Variants in KCNB2 observed in about 807,000 individuals in gnomAD.
KCNB2 encodes potassium voltage-gated channel subfamily B member 2.
Under a neutral mutation model 61.5 loss-of-function variants are expected in KCNB2, and 15 were observed. The observed-to-expected ratio is 0.24, with a 90% CI of 0.16 to 0.38. The LOEUF is 0.38. Ranked by LOEUF, KCNB2 falls within the 10% of genes least tolerant of loss-of-function variation. The pLI, the probability that KCNB2 is intolerant of heterozygous loss-of-function variation, is 1.00. For synonymous variants in KCNB2, 457 were observed against 446.0 expected (o/e 1.02, Z -0.31); for missense variants, 828 against 1,125.2 (o/e 0.74, Z 3.78).
rs1228035161 is a variant in KCNB2 at position 72,561,717 on chromosome 8, ATATATATATATC to A, written c.-93-5919_-93-5908del. Among the ~76,000 whole-genome samples the A allele has an allele frequency of 2.0e-3, 48 of 23,990 alleles. 3 individuals are homozygous for A. The highest frequency in any genetic ancestry group is 0.018 in the African/African-American group (46 of 2,590). The allele number at this position is 23,990 out of a possible 152,430, so 15.7% of individuals were successfully genotyped here. A position where few individuals can be genotyped will look rare whatever the true frequency, so the allele number is the denominator to read the frequency against. ...TATATATATATATATATATATATATATATATATATATCTATATCTATATATATATGTATATAT... is the reference window on the plus strand; with the variant it reads ...TATATATATATATATATATATATATATATATCTATATATATATGTATATAT... On this transcript the variant is annotated intron_variant, in intron 1 of 2. Coordinates refer to ENST00000523207, the MANE Select transcript of KCNB2 (RefSeq NM_004770.3).
intron 2 of KCNB2, among the ~76,000 whole-genome samples, chr8:72,603,227 G>A (rs530550365): frequency 2.0e-5 from 3 of 152,204 alleles, no homozygotes; most frequent in African/African-American, 7.2e-5. Context: ...AATAGCCTTA[G>A]CCTGGCACAC....
At chr8:72,886,963 A>G (rs138038941) in intron 2 of KCNB2, among the ~76,000 whole-genome samples, 3 of 152,354 alleles carry the variant, frequency 2.0e-5, no homozygotes, top group African/African-American at 7.2e-5. Context: ...GACACAGGCC[A>G]GGAGAATTTG....
Position 72,937,851 on chromosome 8 carries a change from T to A in KCNB2, c.2496T>A (p.Asn832Lys). 6.2e-7 allele frequency: 1 copy of A among 1,614,036 alleles called. No individual in the cohort carries two copies. The highest frequency in any genetic ancestry group is 8.5e-7 in the Non-Finnish European group (1 of 1,180,006). Residue 832 changes from asparagine to lysine, a missense_variant, in exon 3 of 3, where the codon AAT becomes AAA. By Grantham distance (94) the Asn-to-Lys change is moderately conservative (BLOSUM62 0). Transcript: ENST00000523207. Reference protein sequence around the residue: ...REEKQVDSSPNCFADKPSDGR... With the variant: ...REEKQVDSSPKCFADKPSDGR... ...AGAAGCAGGTGGACTCCAGCCCAAATTGCTTTGCAGATAAGCCTAGTGATG... is the reference window on the plus strand; with the variant it reads ...AGAAGCAGGTGGACTCCAGCCCAAAATGCTTTGCAGATAAGCCTAGTGATG...
At chr8:72,862,675 G>A (rs1017707769) in intron 2 of KCNB2, among the ~76,000 whole-genome samples, 2 of 152,160 alleles carry the variant, frequency 1.3e-5, no homozygotes, top group Admixed American at 1.3e-4. Context: ...AGTAAATGAA[G>A]CTGTTATTTT....
At chr8:72,790,412 C>A (rs1198447552) in intron 2 of KCNB2, among the ~76,000 whole-genome samples, 1 of 152,098 alleles carries the variant, frequency 6.6e-6, no homozygotes, top group African/African-American at 2.4e-5. Flanking sequence ...GGACTCAATG[C>A]CACAGAGGAT....
At chr8:72,927,183 T>A (rs1398266464) in intron 2 of KCNB2, among the ~76,000 whole-genome samples, 1 of 152,100 alleles carries the variant, frequency 6.6e-6, no homozygotes, top group Non-Finnish European at 1.5e-5. Flanking sequence ...AGGAAGCGCG[T>A]CAAACTCTTC....
intron 2 of KCNB2, among the ~76,000 whole-genome samples, chr8:72,785,084 T>C (rs1808825487): frequency 6.6e-6 from 1 of 152,178 alleles, no homozygotes; most frequent in African/African-American, 2.4e-5. Flanking sequence ...ATTTTCAACA[T>C]AAAGGGAATG....
chr8:72,561,737 A>ATATGTG (rs1806527097), intron 1 of KCNB2, among the ~76,000 whole-genome samples: 1 of 28,768 alleles, frequency 3.5e-5, no homozygotes, highest in African/African-American at 2.4e-4. Context: ...ATCTATATCT[A>ATATGTG]TATATATATG....
chr8:72,923,595 T>TA lies in KCNB2; in HGVS notation c.580-12339dup, dbSNP rs1476379764. Among the ~76,000 whole-genome samples the TA allele has an allele frequency of 3.9e-5, 6 of 152,270 alleles. No homozygotes were observed. In the South Asian group the frequency reaches 6.2e-4, roughly 16 times the overall value. On this transcript the variant is annotated intron_variant, in intron 2 of 2. Transcript: ENST00000523207. ...CCTGAAATAGCTTTTCAGGTTAAAT[T>TA]AGAATGCCCTTAGTCAAGGAGTGGG... is the stretch of plus-strand genomic sequence containing the variant.
intron 2 of KCNB2, among the ~76,000 whole-genome samples, chr8:72,720,726 G>C (rs1807534865): frequency 6.6e-6 from 1 of 152,144 alleles, no homozygotes; most frequent in African/African-American, 2.4e-5. Flanking sequence ...ATGAGTGAAT[G>C]AACATAATGA....
chr8:72,661,675 T>G (rs1806383739), intron 2 of KCNB2, among the ~76,000 whole-genome samples: 1 of 152,196 alleles, frequency 6.6e-6, no homozygotes, highest in Admixed American at 6.5e-5. Flanking sequence ...TCTGAAGTTG[T>G]TCTTCATTTC....
intron 2 of KCNB2, among the ~76,000 whole-genome samples, chr8:72,846,840 G>T (rs1034852451): frequency 6.6e-6 from 1 of 152,190 alleles, no homozygotes; most frequent in African/African-American, 2.4e-5. Flanking sequence ...CATTGTGGAA[G>T]ACAGTGTGGC....
chr8:72,725,449 T>A (rs1361667897), intron 2 of KCNB2, among the ~76,000 whole-genome samples: 1 of 149,554 alleles, frequency 6.7e-6, no homozygotes. Context: ...CTTCTGCTCG[T>A]GGGAGCATTG....
At position 72,537,524 on chromosome 8, in the gene KCNB2, T is replaced by TG. The variant is rs1806130698; in HGVS notation, c.-452dup. ...TCTTCTGTTCCAGCCCTCTCTTGTC[T>TG]GGGTGGCTGTGGCGGCGGCAGGGGG... On this transcript the variant is annotated 5_prime_UTR_variant, in exon 1 of 3. Coordinates refer to ENST00000523207, the MANE Select transcript of KCNB2 (RefSeq NM_004770.3). The TG allele has an allele frequency of 1.3e-5, 2 of 152,510 alleles. No individual in the cohort carries two copies. The highest frequency in any genetic ancestry group is 4.1e-4 in the South Asian group (2 of 4,838). The allele number at this position is 152,510 out of a possible 1,614,324, so 9.4% of individuals were successfully genotyped here. A position where few individuals can be genotyped will look rare whatever the true frequency, so the allele number is the denominator to read the frequency against.
intron 2 of KCNB2, among the ~76,000 whole-genome samples, chr8:72,633,860 C>A (rs1480348122): frequency 6.6e-6 from 1 of 152,110 alleles, no homozygotes; most frequent in Admixed American, 6.6e-5. Context: ...ACGTACCCTG[C>A]TAGAGTTGGG....
At chr8:72,897,350 C>T (rs750079691) in intron 2 of KCNB2, among the ~76,000 whole-genome samples, 1 of 152,082 alleles carries the variant, frequency 6.6e-6, no homozygotes, top group East Asian at 1.9e-4. Flanking sequence ...CTAACTCATC[C>T]AGTTTAGCAG....
chr8:72,677,152 C>T (rs1806669571), intron 2 of KCNB2, among the ~76,000 whole-genome samples: 1 of 152,188 alleles, frequency 6.6e-6, no homozygotes, highest in South Asian at 2.1e-4. Context: ...CATGCTGCCA[C>T]AAGCCAGGCA....
chr8:72,923,048 T>C (rs1382116473), intron 2 of KCNB2, among the ~76,000 whole-genome samples: 1 of 151,212 alleles, frequency 6.6e-6, no homozygotes, highest in East Asian at 2.0e-4. Context: ...AGCTTCCAGG[T>C]CATAGGTGGA....
chr8:72,907,389 C>A (rs1266814764), intron 2 of KCNB2, among the ~76,000 whole-genome samples: 2 of 151,770 alleles, frequency 1.3e-5, no homozygotes, highest in African/African-American at 4.8e-5. Flanking sequence ...AACAAAAAAC[C>A]ACACTCACAC....
Sources: gnomAD v4.1 joint callset for allele counts (sites outside exome capture counted in the v4.1 genomes callset) on GRCh38, gnomAD v4.1.1 for gene constraint, MANE v1.5 for transcripts, NCBI Gene and HGNC (gene_info 2026-07-23, HGNC 2026-07-21) for gene names.